Variants in ATOX1 observed in about 807,000 individuals in gnomAD.
ATOX1 encodes the protein copper transport protein ATOX1.
Under a neutral mutation model 7.3 loss-of-function variants are expected in ATOX1, and 4 were observed. The observed-to-expected ratio is 0.55, with a 90% CI of 0.27 to 1.25. The LOEUF is 1.25. ATOX1 is among the 50% of genes most tolerant of loss of function. ATOX1 has a pLI of 0.12. For missense variants in ATOX1, 68 were observed against 81.6 expected (o/e 0.83, Z 0.64); for synonymous variants, 25 against 28.7 (o/e 0.87, Z 0.41).
intron 3 of ATOX1, 69 bp downstream of exon 3, chr5:151,746,210 C>T (rs1470260890): frequency 2.1e-6 from 3 of 1,430,396 alleles, no homozygotes; most frequent in African/African-American, 2.8e-5. Flanking sequence ...CTCTCAAAGG[C>T]CAAGGTGTTC....
chr5:151,757,754 G>A (rs1762035544), intron 1 of ATOX1, among the ~76,000 whole-genome samples: 1 of 152,222 alleles, frequency 6.6e-6, no homozygotes, highest in African/African-American at 2.4e-5. Flanking sequence ...GGAGCCTAAG[G>A]ATAAGGAGCT....
intron 1 of ATOX1, among the ~76,000 whole-genome samples, chr5:151,757,462 TG>T: frequency 6.6e-6 from 1 of 152,358 alleles, no homozygotes; most frequent in East Asian, 1.9e-4. Context: ...TCAAGGCACC[TG>T]GCAAGACCCA....
At chr5:151,746,610 GT>G in intron 2 of ATOX1, 161 bp from the exon 3 acceptor site, 1 of 857,690 alleles carries the variant, frequency 1.2e-6, no homozygotes, top group Non-Finnish European at 1.8e-6. Flanking sequence ...GAAAGCAAAT[GT>G]TTTAGGCATT....
At chr5:151,749,655 C>G (rs754763782) in intron 2 of ATOX1, among the ~76,000 whole-genome samples, 64 of 135,416 alleles carry the variant, frequency 4.7e-4, no homozygotes, top group Non-Finnish European at 9.0e-4. Context: ...GAGCAAACTC[C>G]ATCTCCAAAA....
intron 1 of ATOX1, among the ~76,000 whole-genome samples, chr5:151,756,069 G>A (rs1368683777): frequency 6.6e-6 from 1 of 151,666 alleles, no homozygotes; most frequent in African/African-American, 2.4e-5. Context: ...AGACTCCCGA[G>A]TAGCTGGGAC....
At chr5:151,744,467 GA>G (rs1761858649) in intron 3 of ATOX1, 1 of 152,142 alleles carries the variant, frequency 6.6e-6, no homozygotes, top group African/African-American at 2.4e-5. Flanking sequence ...AATAACATGA[GA>G]AAACATGTTT....
rs762105177 is a variant in ATOX1 at position 151,749,687 on chromosome 5, A to AAGAAAC, written c.82+2016_82+2017insGTTTCT. Among the ~76,000 whole-genome samples the AAGAAAC allele has an allele frequency of 1.7e-3, 251 of 152,016 alleles. 4 individuals carry two copies. The highest frequency in any genetic ancestry group is 0.015 in the East Asian group (76 of 5,178). Reference sequence around the variant, plus strand: ...AAAAAAAAAAAAAAAGAAAAAGAAAAAAAAAAGCATCAACAGCAAAAGCTG... The same window carrying AAGAAAC: ...AAAAAAAAAAAAAAAGAAAAAGAAAAAGAAACAAAAAAGCATCAACAGCAAAAGCTG... On this transcript the variant is annotated intron_variant, in intron 2 of 3. Coordinates refer to ENST00000313115, the MANE Select transcript of ATOX1 (RefSeq NM_004045.4).
intron 1 of ATOX1, among the ~76,000 whole-genome samples, chr5:151,755,938 C>CTTTTTTT (rs914215313): frequency 8.4e-6 from 1 of 118,448 alleles, no homozygotes; most frequent in African/African-American, 3.2e-5. Context: ...TGGGATGATT[C>CTTTTTTT]TTTTTTTTTT....
chr5:151,744,660 T>A (rs1581554903), intron 3 of ATOX1: 1 of 152,172 alleles, frequency 6.6e-6, no homozygotes, highest in East Asian at 1.9e-4. Context: ...CCATTCCTTC[T>A]TGTTACAGAG....
chr5:151,755,833 G>T (rs1762006651), intron 1 of ATOX1, among the ~76,000 whole-genome samples: 1 of 152,038 alleles, frequency 6.6e-6, no homozygotes, highest in Admixed American at 6.6e-5. Flanking sequence ...GGTAGTTCTG[G>T]TTCCTCATGG....
In ATOX1 at chr5:151,758,592, G is replaced by A. The variant is rs774247411; in HGVS notation, c.-41C>T. 16 of 1,407,896 alleles carry A rather than the reference G, an allele frequency of 1.1e-5. No homozygotes were observed. The highest frequency in any genetic ancestry group is 1.3e-5 in the Non-Finnish European group (14 of 1,074,584). The allele number at this position is 1,407,896 out of a possible 1,614,324, so 87.2% of individuals were successfully genotyped here. ...GGTGTGGCGGCGGTGTGGCGGCGGT[G>A]TCAGCAGCGCCTCTCTGGATTCGGA... On this transcript the variant is annotated 5_prime_UTR_variant, in exon 1 of 4. Transcript: ENST00000313115.
intron 1 of ATOX1, chr5:151,752,347 G>A (rs1355999932): frequency 1.4e-6 from 1 of 698,388 alleles, no homozygotes; most frequent in African/African-American, 1.8e-5. Flanking sequence ...GGCAGCATCT[G>A]GGTCCAGGGA....
chr5:151,757,392 A>G (rs967187927), intron 1 of ATOX1, among the ~76,000 whole-genome samples: 1 of 152,206 alleles, frequency 6.6e-6, no homozygotes, highest in South Asian at 2.1e-4. Context: ...TGACTTGCCC[A>G]ACTGGTAGGG....
intron 2 of ATOX1, among the ~76,000 whole-genome samples, chr5:151,749,959 C>T (rs547946195): frequency 1.3e-5 from 2 of 152,316 alleles, no homozygotes; most frequent in East Asian, 3.9e-4. Flanking sequence ...GAAAGTACAG[C>T]TCAGAGGACT....
At chr5:151,746,774 C>T (rs1761884262) in intron 2 of ATOX1, among the ~76,000 whole-genome samples, 1 of 152,140 alleles carries the variant, frequency 6.6e-6, no homozygotes, top group African/African-American at 2.4e-5. Flanking sequence ...CACTCTGTTG[C>T]CCAGGCTGGA....
At chr5:151,757,439 T>C (rs1362684087) in intron 1 of ATOX1, among the ~76,000 whole-genome samples, 3 of 152,256 alleles carry the variant, frequency 2.0e-5, no homozygotes, top group South Asian at 4.1e-4. Flanking sequence ...ACTTTGTTGT[T>C]GGAGGATTTG....
chr5:151,742,965 A>C lies in ATOX1; in HGVS notation c.*47-6T>G, dbSNP rs1561520058. ...CCAGCGGGAGGATCAGCATCCTAGG[A>C]AAGATGGAAAGTTAGATGGAACAAA... On this transcript the variant is annotated splice_polypyrimidine_tract_variant and splice_region_variant and intron_variant, in intron 3 of 3. Coordinates refer to ENST00000313115, the MANE Select transcript of ATOX1 (RefSeq NM_004045.4). 1 of 152,378 alleles carries C rather than the reference A, an allele frequency of 6.6e-6. No individual in the cohort carries two copies. The highest frequency in any genetic ancestry group is 6.5e-5 in the Admixed American group (1 of 15,288). 9.4% of individuals were successfully genotyped at this position (152,378 alleles called of 1,614,324 possible).
At position 151,746,422 on chromosome 5, in the gene ATOX1, T is replaced by C. The variant is rs1011211501; in HGVS notation, c.110A>G (p.Asn37Ser). Reference sequence around the variant, plus strand: ...CTCAGATTCAATGCAGACCTTCTTGTTGGGCAGGTCAATGTCATACTTAAC... The same window carrying C: ...CTCAGATTCAATGCAGACCTTCTTGCTGGGCAGGTCAATGTCATACTTAAC... ...GGVKYDIDLP[N>S]KKVCIESEHS... Residue 37 changes from asparagine (N) to serine (S), a missense_variant, in exon 3 of 4, where the codon AAC (asparagine) becomes AGC (serine). Asn to Ser is a conservative substitution (Grantham distance 46). Transcript: ENST00000313115. 2 of 1,613,888 alleles carry C rather than the reference T, an allele frequency of 1.2e-6. No individual in the cohort carries two copies. The highest frequency in any genetic ancestry group is 1.7e-6 in the Non-Finnish European group (2 of 1,179,810).
intron 1 of ATOX1, chr5:151,752,361 A>G (rs1030656938): frequency 1.4e-6 from 1 of 698,194 alleles, no homozygotes; most frequent in Admixed American, 2.0e-5. Flanking sequence ...CCAGGGAAAG[A>G]AAGGATTGCC....
Sources: allele counts gnomAD v4.1 joint callset (sites outside exome capture counted in the v4.1 genomes callset), GRCh38; gene constraint gnomAD v4.1.1; transcripts MANE v1.5; gene names NCBI Gene and HGNC (gene_info 2026-07-23, HGNC 2026-07-21).